Variants in TLE4 observed in about 807,000 individuals in gnomAD.
TLE4 encodes the protein transducin-like enhancer protein 4.
TLE4 carries 8 observed loss-of-function variants against 92.8 expected under a neutral mutation model. The observed-to-expected ratio is 0.09, with a 90% CI of 0.05 to 0.16. The LOEUF (loss-of-function observed/expected upper bound fraction) is 0.16. TLE4 is among the 10% of genes least tolerant of loss of function. TLE4 has a pLI of 1.00. For synonymous variants in TLE4, 371 were observed against 374.1 expected, an observed-to-expected ratio of 0.99 and a Z score of 0.10; for missense variants, 675 against 997.6, an observed-to-expected ratio of 0.68 and a Z score of 4.36.
chr9:79,667,034 G>T (rs550883671), intron 8 of TLE4, among the ~76,000 whole-genome samples: 2 of 152,226 alleles, frequency 1.3e-5, no homozygotes, highest in South Asian at 4.1e-4. Context: ...GGGTCCTCAC[G>T]TATTTTCTTG....
intron 4 of TLE4, among the ~76,000 whole-genome samples, chr9:79,598,844 C>CT (rs1722424810): frequency 6.6e-6 from 1 of 152,104 alleles, no homozygotes; most frequent in South Asian, 2.1e-4. Context: ...GATCTTCCCC[C>CT]CCCAGATTAT....
rs11138307 is a variant in TLE4, at chr9:79,610,045, T to A, written c.253-2611T>A. Among the ~76,000 whole-genome samples the A allele has an allele frequency of 3.2e-3, 482 of 152,212 alleles. 2 individuals are homozygous for A. Among genetic ancestry groups the A allele is most frequent in the Admixed American group, 9.3e-3 (142 of 15,268 alleles). ...TGCTTTTCCTCCTAGGTTGCCTTTT[T>A]TTCCTTCTTTCCCCAAAGCTGAAAA... On this transcript the variant is annotated intron_variant, in intron 4 of 19. Coordinates refer to ENST00000376552, the MANE Select transcript of TLE4 (RefSeq NM_007005.6).
At chr9:79,687,409 C>T (rs1436946329) in intron 8 of TLE4, among the ~76,000 whole-genome samples, 1 of 152,224 alleles carries the variant, frequency 6.6e-6, no homozygotes, top group African/African-American at 2.4e-5. Context: ...TCAAAAATAT[C>T]TCTCAAGTGG....
chr9:79,681,502 C>G (rs901556542), intron 8 of TLE4, among the ~76,000 whole-genome samples: 1 of 151,988 alleles, frequency 6.6e-6, no homozygotes, highest in African/African-American at 2.4e-5. Flanking sequence ...GCATACATGC[C>G]TGGTAAAGTT....
intron 5 of TLE4, among the ~76,000 whole-genome samples, chr9:79,618,367 C>A (rs895392924): frequency 2.0e-5 from 3 of 152,106 alleles, no homozygotes; most frequent in Non-Finnish European, 2.9e-5. Flanking sequence ...CCTTACCATT[C>A]GAATGTTGGA....
intron 8 of TLE4, among the ~76,000 whole-genome samples, chr9:79,659,764 A>G (rs1474692572): frequency 6.6e-6 from 1 of 152,170 alleles, no homozygotes; most frequent in Non-Finnish European, 1.5e-5. Flanking sequence ...AATCAGGGAT[A>G]CCACCTAATA....
At chr9:79,614,089 T>A (rs2048963664) in intron 5 of TLE4, among the ~76,000 whole-genome samples, 1 of 152,108 alleles carries the variant, frequency 6.6e-6, no homozygotes, top group Admixed American at 6.6e-5. Context: ...CTGCATTTCT[T>A]TTGGAAACCT....
intron 8 of TLE4, among the ~76,000 whole-genome samples, chr9:79,691,056 G>A (rs1257365904): frequency 1.3e-5 from 2 of 152,054 alleles, no homozygotes; most frequent in African/African-American, 4.8e-5. Flanking sequence ...ACACATTTGT[G>A]TGAAGTGAGT....
chr9:79,573,257 C>A, intron 1 of TLE4: 2 of 1,018,434 alleles, frequency 2.0e-6, no homozygotes, highest in South Asian at 4.1e-5. Context: ...GCCGCCGGGG[C>A]GAGCGGGCGA....
intron 4 of TLE4, chr9:79,601,273 A>G: frequency 2.4e-6 from 1 of 409,960 alleles, no homozygotes; most frequent in Non-Finnish European, 4.9e-6. Context: ...GCCAGAAAAG[A>G]TGTGTGATGG....
At chr9:79,712,513 C>T (rs2073575011) in intron 14 of TLE4, among the ~76,000 whole-genome samples, 1 of 152,202 alleles carries the variant, frequency 6.6e-6, no homozygotes, top group South Asian at 2.1e-4. Flanking sequence ...TCTTCCTCCA[C>T]CATACATACC....
intron 8 of TLE4, among the ~76,000 whole-genome samples, chr9:79,667,290 G>T (rs1429146661): frequency 6.6e-6 from 1 of 152,162 alleles, no homozygotes; most frequent in Non-Finnish European, 1.5e-5. Context: ...GGTCTTACAG[G>T]GTGTTGCTCA....
intron 8 of TLE4, among the ~76,000 whole-genome samples, chr9:79,698,901 G>T (rs181573653): frequency 6.7e-6 from 1 of 148,758 alleles, no homozygotes; most frequent in East Asian, 2.0e-4. Flanking sequence ...ATATCCTGGT[G>T]GTTTCCCTGT....
chr9:79,581,071 T>G (rs1192332515), intron 4 of TLE4, among the ~76,000 whole-genome samples: 1 of 152,242 alleles, frequency 6.6e-6, no homozygotes, highest in Non-Finnish European at 1.5e-5. Flanking sequence ...GCTGATAATA[T>G]TCCACAATTA....
chr9:79,718,666 G>A (rs1470492918), intron 14 of TLE4, 56 bp from the exon 15 acceptor site: 9 of 1,558,960 alleles, frequency 5.8e-6, no homozygotes, highest in Middle Eastern at 1.7e-4. Context: ...ACACTGAACA[G>A]TTAAGTGACA....
Position 79,617,857 on chromosome 9 carries a change from C to A in TLE4, c.315+5139C>A, listed in dbSNP as rs985180441. ...AGGAAAAAAAAAAAAAAGCTTGTTT[C>A]TCTCTCATGTAATAGTAACAGTTGA... On this transcript the variant is annotated intron_variant, in intron 5 of 19. Coordinates refer to ENST00000376552, the MANE Select transcript of TLE4 (RefSeq NM_007005.6). Among the ~76,000 whole-genome samples the A allele has an allele frequency of 6.7e-5, 10 of 150,224 alleles. No homozygotes were observed. In the South Asian group the frequency reaches 2.1e-3, roughly 32 times the overall value.
chr9:79,676,801 T>C (rs1234637171), intron 8 of TLE4, among the ~76,000 whole-genome samples: 7 of 152,156 alleles, frequency 4.6e-5, no homozygotes, highest in Non-Finnish European at 8.8e-5. Context: ...TACTTGATAT[T>C]TAATAGCAGA....
chr9:79,580,670 T>C (rs2039394883), intron 4 of TLE4, among the ~76,000 whole-genome samples: 1 of 152,076 alleles, frequency 6.6e-6, no homozygotes, highest in Admixed American at 6.6e-5. Context: ...AGTAGGTGTT[T>C]TAGTATGGAG....
chr9:79,608,018 A>G (rs1287400469), intron 4 of TLE4, among the ~76,000 whole-genome samples: 1 of 152,082 alleles, frequency 6.6e-6, no homozygotes, highest in Non-Finnish European at 1.5e-5. Context: ...GTCATCTGCA[A>G]ACAGAGACAA....
Sources: allele counts gnomAD v4.1 joint callset (sites outside exome capture counted in the v4.1 genomes callset), GRCh38; gene constraint gnomAD v4.1.1; transcripts MANE v1.5; gene names NCBI Gene and HGNC (gene_info 2026-07-23, HGNC 2026-07-21).